Variants in REDIC1 observed in about 807,000 individuals in gnomAD.
The protein encoded by REDIC1 is regulator of DNA class I crossover intermediates 1, also known as HEI10 Interacting Protein 1.
the REDIC1 span, among the ~76,000 whole-genome samples, chr12:39,835,203 A>C: frequency 6.6e-6 from 1 of 152,068 alleles, no homozygotes; most frequent in Non-Finnish European, 1.5e-5. Flanking sequence ...ACCTGGACTA[A>C]GGTCTAAATT....
the REDIC1 span, among the ~76,000 whole-genome samples, chr12:39,863,884 T>C: frequency 1.3e-5 from 2 of 152,230 alleles, no homozygotes; most frequent in African/African-American, 2.4e-5. Context: ...TAGGGTATAA[T>C]GTTTTAATTT....
the REDIC1 span, among the ~76,000 whole-genome samples, chr12:39,890,369 G>A: frequency 4.6e-5 from 7 of 152,088 alleles, no homozygotes; most frequent in South Asian, 8.3e-4. Context: ...CAAAGCTATC[G>A]GTGTCCTACT....
the REDIC1 span, among the ~76,000 whole-genome samples, chr12:39,804,283 G>A: frequency 1.3e-5 from 2 of 152,046 alleles, no homozygotes; most frequent in South Asian, 2.1e-4. Flanking sequence ...TAGTTATCAA[G>A]GATAAATGTC....
At chr12:39,794,409 C>A in the REDIC1 span, among the ~76,000 whole-genome samples, 1 of 152,252 alleles carries the variant, frequency 6.6e-6, no homozygotes, top group Admixed American at 6.5e-5. Context: ...CCTAGAGCTG[C>A]CTCTTTACAT....
At chr12:39,871,675 T>C in the REDIC1 span, 6 of 996,206 alleles carry the variant, frequency 6.0e-6, no homozygotes, top group Non-Finnish European at 8.2e-6. Context: ...AGAACTCTAA[T>C]TTTTTTGTTG....
chr12:39,692,404 T>G, the REDIC1 span, among the ~76,000 whole-genome samples: 27 of 152,098 alleles, frequency 1.8e-4, no homozygotes, highest in African/African-American at 6.3e-4. Context: ...TTTCTTCAAT[T>G]GTATTTCATA....
At chr12:39,717,792 G>C in the REDIC1 span, among the ~76,000 whole-genome samples, 6 of 152,078 alleles carry the variant, frequency 3.9e-5, no homozygotes, top group Non-Finnish European at 8.8e-5. Context: ...ACTTCTGCCA[G>C]ATTGTCTAAA....
the REDIC1 span, chr12:39,716,661 A>T: frequency 1.2e-6 from 1 of 857,152 alleles, no homozygotes; most frequent in Non-Finnish European, 1.8e-6. Flanking sequence ...TTGTTAGCTA[A>T]ATTTGTTTTA....
At chr12:39,753,117 T>TAAC in the REDIC1 span, among the ~76,000 whole-genome samples, 3 of 152,220 alleles carry the variant, frequency 2.0e-5, no homozygotes, top group Non-Finnish European at 4.4e-5. Flanking sequence ...AAGTAAAGCA[T>TAAC]AACAAAATTT....
the REDIC1 span, among the ~76,000 whole-genome samples, chr12:39,816,477 G>A: frequency 6.6e-6 from 1 of 150,958 alleles, no homozygotes; most frequent in African/African-American, 2.4e-5. Context: ...TATACCTAAT[G>A]TAAATGACGA....
the REDIC1 span, among the ~76,000 whole-genome samples, chr12:39,794,529 A>G: frequency 6.6e-6 from 1 of 152,220 alleles, no homozygotes; most frequent in Non-Finnish European, 1.5e-5. Context: ...GTCTCAGCCA[A>G]TCGCAGTAGC....
At chr12:39,666,409 A>T in the REDIC1 span, among the ~76,000 whole-genome samples, 46 of 152,278 alleles carry the variant, frequency 3.0e-4, no homozygotes, top group African/African-American at 1.1e-3. Flanking sequence ...CACCCCAGGG[A>T]TGAAGCCCAC....
At chr12:39,713,506 G>T in the REDIC1 span, among the ~76,000 whole-genome samples, 2 of 149,306 alleles carry the variant, frequency 1.3e-5, no homozygotes, top group African/African-American at 4.9e-5. Flanking sequence ...ACATACATAT[G>T]TATACATGCG....
the REDIC1 span, among the ~76,000 whole-genome samples, chr12:39,905,524 A>G: frequency 6.6e-6 from 1 of 152,304 alleles, no homozygotes; most frequent in South Asian, 2.1e-4. Context: ...ATTTACAAAT[A>G]TGGTCTAAGA....
the REDIC1 span, among the ~76,000 whole-genome samples, chr12:39,760,976 A>ACACACACAC: frequency 4.7e-5 from 7 of 150,254 alleles, no homozygotes; most frequent in South Asian, 2.1e-4. Context: ...ACACACACAT[A>ACACACACAC]ATTGAATTGC....
chr12:39,875,459 C>A, the REDIC1 span, among the ~76,000 whole-genome samples: 19 of 152,326 alleles, frequency 1.2e-4, no homozygotes, highest in Admixed American at 1.1e-3. Context: ...TTAATTCAGT[C>A]TGCACCTTAA....
At chr12:39,834,053 C>T in the REDIC1 span, among the ~76,000 whole-genome samples, 1 of 151,896 alleles carries the variant, frequency 6.6e-6, no homozygotes, top group South Asian at 2.1e-4. Context: ...TAGATCGTAC[C>T]CTTTTGTTCT....
the REDIC1 span, among the ~76,000 whole-genome samples, chr12:39,859,718 G>C: frequency 1.3e-5 from 2 of 151,972 alleles, no homozygotes; most frequent in African/African-American, 2.4e-5. Flanking sequence ...GTAGAGCTGG[G>C]GTTTCACCAT....
At chr12:39,718,193 C>T in the REDIC1 span, among the ~76,000 whole-genome samples, 3 of 152,096 alleles carry the variant, frequency 2.0e-5, no homozygotes, top group Admixed American at 6.6e-5. Flanking sequence ...TCTCTCCCAT[C>T]GCATTGACCA....
Sources: allele counts gnomAD v4.1 joint callset (sites outside exome capture counted in the v4.1 genomes callset), GRCh38; gene constraint gnomAD v4.1.1; transcripts MANE v1.5; gene names NCBI Gene and HGNC (gene_info 2026-07-23, HGNC 2026-07-21).